TMC5: variants seen among roughly 807,000 people sequenced by gnomAD.
The protein encoded by TMC5 is transmembrane channel-like protein 5.
A neutral mutation model predicts 110.5 loss-of-function variants in TMC5; 86 were observed. The observed-to-expected ratio is 0.78, with a 90% confidence interval of 0.65 to 0.93. The LOEUF is 0.93. Ranked by LOEUF, TMC5 falls within the 40% of genes least tolerant of loss-of-function variation. The pLI, the probability that TMC5 is intolerant of heterozygous loss-of-function variation, is 0.00. For missense variants in TMC5, 1,144 were observed against 1,222.8 expected (o/e 0.94, Z 0.96); for synonymous variants, 455 against 439.5 (o/e 1.04, Z -0.44).
At position 19,477,500 on chromosome 16, in the gene TMC5, G is replaced by A. The variant is rs1024960494; in HGVS notation, c.2151G>A (p.Val717=). Residue 717 remains valine, a synonymous_variant, in exon 13 of 22, where the codon GTG becomes GTA. Transcript: ENST00000542583. ...GILCYYWLNT[V]ALSGEECWET... The stretch of plus-strand genomic sequence containing the variant: ...TTTGTTACTATTGGCTCAACACCGT[G>A]GCCCTGTCTGGTGAAGAGGTGAGAT... The A allele has an allele frequency of 1.2e-6, 2 of 1,609,884 alleles. No individual in the cohort carries two copies. The highest frequency in any genetic ancestry group is 1.3e-5 in the African/African-American group (1 of 74,696).
Position 19,466,248 on chromosome 16 carries a change from A to ATCAGGAAT in TMC5, c.1637+15_1637+16insTCAGGAAT, listed in dbSNP as rs757510803. ...TTGCTGTTCAGGTATGGAAGCATCT[A>ATCAGGAAT]CATTTCCTGATTCTGAGGGTCATGT... is the stretch of plus-strand genomic sequence containing the variant. On this transcript the variant is annotated intron_variant, in intron 9 of 21. Transcript: ENST00000542583. The ATCAGGAAT allele has an allele frequency of 7.4e-6, 12 of 1,611,918 alleles. No homozygotes were observed. The South Asian group carries it at 1.3e-4, about 18-fold the overall frequency.
At chr16:19,477,548 T>A in intron 13 of TMC5, 30 bp downstream of exon 13, 2 of 1,535,294 alleles carry the variant, frequency 1.3e-6, no homozygotes, top group Non-Finnish European at 1.8e-6. Flanking sequence ...TGCCTTAAGT[T>A]TGGTTTCTTA....
chr16:19,439,534 C>T (rs867631786), intron 2 of TMC5, among the ~76,000 whole-genome samples: 6 of 152,178 alleles, frequency 3.9e-5, no homozygotes, highest in South Asian at 2.1e-4. Context: ...TTTTATTTCT[C>T]TCTCACATAA....
chr16:19,488,933 A>T (rs114449727), intron 17 of TMC5, among the ~76,000 whole-genome samples: 2,681 of 152,314 alleles, frequency 0.018, 90 homozygotes, highest in African/African-American at 0.062. Flanking sequence ...TGAATGAATT[A>T]ATGAACAAGG....
At chr16:19,492,506 T>C (rs1967952) in intron 19 of TMC5, among the ~76,000 whole-genome samples, 96,445 of 151,848 alleles carry the variant, frequency 0.64, 32,187 homozygotes, top group South Asian at 0.76. Context: ...AGTGCAGTGG[T>C]GCAATCTCGG....
intron 1 of TMC5, among the ~76,000 whole-genome samples, chr16:19,420,940 A>G (rs981390392): frequency 1.1e-4 from 17 of 152,190 alleles, no homozygotes; most frequent in African/African-American, 4.1e-4. Context: ...GACTTGAGTT[A>G]TAAATTACAC....
intron 4 of TMC5, among the ~76,000 whole-genome samples, chr16:19,445,606 GA>G (rs906254485): frequency 6.1e-5 from 9 of 147,620 alleles, no homozygotes; most frequent in South Asian, 2.1e-4. Context: ...TGGCACAAGA[GA>G]AAAAAAAAAT....
rs140802583 is a variant in TMC5 at position 19,432,917 on chromosome 16, T to C, written c.-80+2277T>C. ...GTTCTATGAATGTGTATATATAATG[T>C]ATATTATATGTGTAGATCTATTATA... On this transcript the variant is annotated intron_variant, in intron 2 of 21. Transcript: ENST00000542583. 2.6e-3 allele frequency among the ~76,000 whole-genome samples: 392 copies of C among 152,324 alleles called. 3 individuals are homozygous for C. Among genetic ancestry groups the C allele is most frequent in the African/African-American group, 9.3e-3 (387 of 41,572 alleles).
At position 19,454,013 on chromosome 16, in the gene TMC5, A is replaced by T. The variant is rs146319312; in HGVS notation, c.1048+4382A>T. ...GAATACAGGTGTGAGCCACCACCTC[A>T]GTTGGCAAGAATGAATGAATGATAC... On this transcript the variant is annotated intron_variant, in intron 5 of 21. Transcript: ENST00000542583. Among the ~76,000 whole-genome samples, 213 of 152,036 alleles carry T rather than the reference A, an allele frequency of 1.4e-3. 2 individuals carry two copies. Among genetic ancestry groups the T allele is most frequent in the Admixed American group, 3.6e-3 (55 of 15,260 alleles).
At chr16:19,422,362 G>C (rs1967004109) in intron 1 of TMC5, among the ~76,000 whole-genome samples, 1 of 152,110 alleles carries the variant, frequency 6.6e-6, no homozygotes, top group African/African-American at 2.4e-5. Context: ...GGGACATTTA[G>C]GATACTGTAT....
At chr16:19,461,764 A>G (rs1968028964) in intron 6 of TMC5, among the ~76,000 whole-genome samples, 1 of 152,110 alleles carries the variant, frequency 6.6e-6, no homozygotes, top group Non-Finnish European at 1.5e-5. Context: ...AGTGGATGCA[A>G]CAACAATTAC....
chr16:19,460,786 C>A (rs1597190374), intron 6 of TMC5, among the ~76,000 whole-genome samples: 2 of 152,176 alleles, frequency 1.3e-5, no homozygotes, highest in African/African-American at 4.8e-5. Flanking sequence ...AATACTCAAC[C>A]AGTACCCCTT....
At chr16:19,457,706 A>ATT (rs1555483103) in intron 5 of TMC5, among the ~76,000 whole-genome samples, 1 of 41,078 alleles carries the variant, frequency 2.4e-5, no homozygotes, top group African/African-American at 4.7e-5. Flanking sequence ...CCAAGACTAC[A>ATT]TTCTTTTTTT....
intron 1 of TMC5, among the ~76,000 whole-genome samples, chr16:19,419,458 G>T (rs139452731): frequency 0.071 from 9,035 of 128,096 alleles, 959 homozygotes; most frequent in African/African-American, 0.24. Context: ...TGTCGCTCAG[G>T]CTGGAGTGCA....
chr16:19,428,566 C>T (rs940171981), intron 1 of TMC5, among the ~76,000 whole-genome samples: 1 of 152,122 alleles, frequency 6.6e-6, no homozygotes, highest in Non-Finnish European at 1.5e-5. Context: ...ATACCTTAGA[C>T]CATTTCCTTG....
At chr16:19,460,093 T>C (rs2143564611) in intron 5 of TMC5, 142 bp from the exon 6 acceptor site, 1 of 512,174 alleles carries the variant, frequency 2.0e-6, no homozygotes. Context: ...GTTTTTTTTG[T>C]TGTTTTCCTT....
intron 5 of TMC5, among the ~76,000 whole-genome samples, chr16:19,453,396 C>T (rs1173979982): frequency 1.3e-5 from 2 of 152,014 alleles, no homozygotes; most frequent in Admixed American, 1.3e-4. Context: ...TGAGACCAGC[C>T]TGCCCAACAT....
intron 17 of TMC5, among the ~76,000 whole-genome samples, chr16:19,489,330 AT>A: frequency 6.6e-6 from 1 of 151,320 alleles, no homozygotes; most frequent in South Asian, 2.1e-4. Flanking sequence ...CTGGCTAATT[AT>A]TTTTTTATTT....
chr16:19,474,009 T>C, intron 11 of TMC5, 116 bp from the exon 12 acceptor site: 1 of 958,336 alleles, frequency 1.0e-6, no homozygotes, highest in Non-Finnish European at 1.5e-6. Context: ...AATAGATAAA[T>C]AGTTAACCGC....
Sources: gnomAD v4.1 joint callset for allele counts (sites outside exome capture counted in the v4.1 genomes callset) on GRCh38, gnomAD v4.1.1 for gene constraint, MANE v1.5 for transcripts, NCBI Gene and HGNC (gene_info 2026-07-23, HGNC 2026-07-21) for gene names.